NECTIN3: variants seen among roughly 807,000 people sequenced by gnomAD.
NECTIN3 encodes nectin cell adhesion molecule 3, also known as nectin-3.
NECTIN3 carries 8 observed loss-of-function variants against 49.4 expected under a neutral mutation model. The ratio of observed to expected loss-of-function variants is 0.16; its 90% CI spans 0.10 to 0.29. NECTIN3 has a LOEUF of 0.29. NECTIN3 is among the 10% of genes least tolerant of loss of function. The pLI, the probability that NECTIN3 is intolerant of heterozygous loss-of-function variation, is 1.00. For missense variants in NECTIN3, 581 were observed against 654.6 expected (o/e 0.89, Z 1.23); for synonymous variants, 277 against 241.1 (o/e 1.15, Z -1.38).
intron 1 of NECTIN3, chr3:111,075,322 C>T (rs2031105000): frequency 6.6e-6 from 1 of 152,082 alleles, no homozygotes; most frequent in African/African-American, 2.4e-5. Flanking sequence ...GAGATGTCTT[C>T]TTCCTTCCCT....
At chr3:111,161,720 T>C (rs2035216111) in intron 7 of NECTIN3, among the ~76,000 whole-genome samples, 1 of 152,166 alleles carries the variant, frequency 6.6e-6, no homozygotes, top group South Asian at 2.1e-4. Flanking sequence ...GAAAAAATCG[T>C]CTTCCATGAA....
Position 111,135,986 on chromosome 3 carries a change from A to G in NECTIN3, c.*1771A>G, listed in dbSNP as rs1359248783. The G allele has an allele frequency of 1.0e-6, 1 of 952,782 alleles. No individual in the cohort carries two copies. Among genetic ancestry groups the G allele is most frequent in the Non-Finnish European group, 1.2e-6 (1 of 800,560 alleles). The allele number at this position is 952,782 out of a possible 1,614,324, so 59.0% of individuals were successfully genotyped here. On this transcript the variant is annotated 3_prime_UTR_variant, in exon 6 of 6. Coordinates refer to ENST00000485303, the MANE Select transcript of NECTIN3 (RefSeq NM_015480.3). ...GGTTTTAATATGGTTAATCACTTAT[A>G]TACAAATATTACAACTTTTTAGTGC...
At chr3:111,140,093 A>C (rs546834782), downstream of NECTIN3, among the ~76,000 whole-genome samples, 1 of 151,950 alleles carries the variant, frequency 6.6e-6, no homozygotes, top group East Asian at 1.9e-4. Flanking sequence ...TGGTTTTTAG[A>C]TGTGATAACT....
chr3:111,171,515 G>A (rs1481180027), intron 7 of NECTIN3, among the ~76,000 whole-genome samples: 1 of 152,148 alleles, frequency 6.6e-6, no homozygotes, highest in Non-Finnish European at 1.5e-5. Flanking sequence ...TAGTAGTTAT[G>A]TTATTCCACA....
At chr3:111,107,310 T>C (rs1559781826) in intron 1 of NECTIN3, among the ~76,000 whole-genome samples, 2 of 152,176 alleles carry the variant, frequency 1.3e-5, no homozygotes, top group African/African-American at 4.8e-5. Context: ...TGTAGTGTTT[T>C]TGTGGAGCTA....
At chr3:111,184,759 AT>A (rs1441852650) in intron 7 of NECTIN3, among the ~76,000 whole-genome samples, 1 of 152,118 alleles carries the variant, frequency 6.6e-6, no homozygotes, top group Non-Finnish European at 1.5e-5. Context: ...TTTTGTTCTT[AT>A]TTCTTAATAA....
At chr3:111,182,345 G>A (rs956930464) in intron 7 of NECTIN3, among the ~76,000 whole-genome samples, 3 of 152,072 alleles carry the variant, frequency 2.0e-5, no homozygotes, top group Non-Finnish European at 4.4e-5. Flanking sequence ...CTTAGGTCAA[G>A]TTGGTTGATA....
chr3:111,154,458 A>G (rs1259863678), intron 7 of NECTIN3, among the ~76,000 whole-genome samples: 1 of 152,168 alleles, frequency 6.6e-6, no homozygotes, highest in Non-Finnish European at 1.5e-5. Context: ...GTTGCTATGA[A>G]CATTTATATA....
upstream of NECTIN3, among the ~76,000 whole-genome samples, chr3:111,187,567 G>A (rs1281903583): frequency 1.3e-5 from 2 of 152,036 alleles, no homozygotes; most frequent in Non-Finnish European, 2.9e-5. Context: ...TAACCAATAT[G>A]CAAATGAATA....
At chr3:111,137,830 G>T (rs1576154739), downstream of NECTIN3, among the ~76,000 whole-genome samples, 1 of 141,754 alleles carries the variant, frequency 7.1e-6, no homozygotes, top group Middle Eastern at 3.6e-3. Flanking sequence ...GTTCAGGGGT[G>T]CATGTACAGG....
chr3:111,136,553 G>A lies in NECTIN3; in HGVS notation c.*2338G>A. ...TATTAGAACTTTATGTATATTTACT[G>A]TACATAGAGACTTGTTTGAAAACAT... On this transcript the variant is annotated 3_prime_UTR_variant, in exon 6 of 6. Coordinates refer to ENST00000485303, the MANE Select transcript of NECTIN3 (RefSeq NM_015480.3). 7.4e-6 allele frequency: 7 copies of A among 949,494 alleles called. No individual in the cohort carries two copies. The South Asian group carries it at 2.9e-4, about 40-fold the overall frequency. 58.8% of individuals were successfully genotyped at this position (949,494 alleles called of 1,614,324 possible). A position where few individuals can be genotyped will look rare whatever the true frequency, so the allele number is the denominator to read the frequency against.
intron 4 of NECTIN3, 138 bp from the exon 5 acceptor site, chr3:111,126,046 T>A (rs1013831842): frequency 5.2e-6 from 3 of 582,066 alleles, no homozygotes; most frequent in African/African-American, 2.0e-5. Context: ...ACTTTTTTTT[T>A]ATACTTTCAG....
chr3:111,128,969 A>C (rs1304292357), intron 5 of NECTIN3, among the ~76,000 whole-genome samples: 1 of 152,170 alleles, frequency 6.6e-6, no homozygotes, highest in African/African-American at 2.4e-5. Context: ...ATGAAAACCA[A>C]ATCCTTACAA....
At chr3:111,182,250 A>G (rs1190166190) in intron 7 of NECTIN3, among the ~76,000 whole-genome samples, 2 of 152,084 alleles carry the variant, frequency 1.3e-5, no homozygotes, top group Admixed American at 6.5e-5. Context: ...AACCCAGAGT[A>G]TAGTCTGTCT....
At chr3:111,103,589 A>T (rs1380867462) in intron 1 of NECTIN3, among the ~76,000 whole-genome samples, 1 of 151,976 alleles carries the variant, frequency 6.6e-6, no homozygotes, top group Non-Finnish European at 1.5e-5. Context: ...TAAATAAAGA[A>T]ATAAAGAAAG....
chr3:111,087,959 A>G (rs1299770611), intron 1 of NECTIN3, among the ~76,000 whole-genome samples: 3 of 152,028 alleles, frequency 2.0e-5, no homozygotes, highest in East Asian at 3.9e-4. Flanking sequence ...CAGCCTCCCA[A>G]AGTGTTGGGA....
upstream of NECTIN3, among the ~76,000 whole-genome samples, chr3:111,190,645 A>T (rs529602928): frequency 6.6e-6 from 1 of 152,350 alleles, no homozygotes; most frequent in East Asian, 1.9e-4. Flanking sequence ...TCAATCCCTT[A>T]TAAGGGCACT....
At chr3:111,083,445 A>G (rs1429023130) in intron 1 of NECTIN3, among the ~76,000 whole-genome samples, 1 of 152,168 alleles carries the variant, frequency 6.6e-6, no homozygotes, top group Non-Finnish European at 1.5e-5. Flanking sequence ...TGTCCTTATA[A>G]GAAGAGGAAG....
chr3:111,157,554 G>T (rs985009988), intron 7 of NECTIN3, among the ~76,000 whole-genome samples: 7 of 151,992 alleles, frequency 4.6e-5, no homozygotes, highest in Non-Finnish European at 8.8e-5. Flanking sequence ...TTAAAAAACA[G>T]AATTTGAACT....
Sources: allele counts gnomAD v4.1 joint callset (sites outside exome capture counted in the v4.1 genomes callset), GRCh38; gene constraint gnomAD v4.1.1; transcripts MANE v1.5; gene names NCBI Gene and HGNC (gene_info 2026-07-23, HGNC 2026-07-21).